Variants in MAST4 observed in about 807,000 individuals in gnomAD.
MAST4 encodes the protein microtubule-associated serine/threonine-protein kinase 4.
A neutral mutation model predicts 162.7 loss-of-function variants in MAST4; 89 were observed. The observed-to-expected ratio is 0.55, with a 90% confidence interval of 0.46 to 0.65. The LOEUF is 0.65. MAST4 is among the 30% of genes least tolerant of loss of function. The pLI, the probability that MAST4 is intolerant of heterozygous loss-of-function variation, is 0.00. For missense variants in MAST4, 3,153 were observed against 3,374.0 expected, an observed-to-expected ratio of 0.93 and a Z score of 1.62; for synonymous variants, 1,479 against 1,361.1, an observed-to-expected ratio of 1.09 and a Z score of -1.91.
chr5:67,139,396 C>T (rs1770092298), intron 19 of MAST4, among the ~76,000 whole-genome samples: 1 of 152,186 alleles, frequency 6.6e-6, no homozygotes, highest in South Asian at 2.1e-4. Context: ...AGTGTCAAAG[C>T]ATAACTTGCA....
chr5:67,001,722 G>A (rs1436980652), intron 4 of MAST4: 1 of 152,150 alleles, frequency 6.6e-6, no homozygotes, highest in Non-Finnish European at 1.5e-5. Flanking sequence ...TATGAGAGTT[G>A]GGAGGTATTG....
At chr5:66,642,104 G>T (rs1040714422) in intron 1 of MAST4, among the ~76,000 whole-genome samples, 3 of 152,100 alleles carry the variant, frequency 2.0e-5, no homozygotes, top group African/African-American at 7.2e-5. Context: ...TAGACATTAT[G>T]TATTTCCTGA....
intron 1 of MAST4, among the ~76,000 whole-genome samples, chr5:66,632,986 T>G (rs936789905): frequency 1.3e-5 from 2 of 152,154 alleles, no homozygotes; most frequent in Non-Finnish European, 2.9e-5. Flanking sequence ...TAACCAGTAA[T>G]TTATGTTAAT....
chr5:66,616,295 C>G (rs534132946), intron 1 of MAST4, among the ~76,000 whole-genome samples: 13 of 152,036 alleles, frequency 8.6e-5, no homozygotes, highest in African/African-American at 3.1e-4. Flanking sequence ...CCAAGCAGCC[C>G]CTACCAAGGT....
In MAST4 at chr5:66,895,820, C is replaced by T. The variant is rs537681964; in HGVS notation, c.643-4131C>T. Among the ~76,000 whole-genome samples the T allele has an allele frequency of 5.9e-5, 9 of 152,244 alleles. No individual in the cohort carries two copies. In the East Asian group the frequency reaches 7.7e-4, roughly 13 times the overall value. On this transcript the variant is annotated intron_variant, in intron 3 of 28. Transcript: ENST00000403625. Reference sequence around the variant, plus strand: ...ATCAGTCTTCCCTTCTCCCTGTCTCCCCCTTTTGATACACTTTCTTTCACA... The same window carrying T: ...ATCAGTCTTCCCTTCTCCCTGTCTCTCCCTTTTGATACACTTTCTTTCACA...
At chr5:66,643,993 G>A (rs1408172483) in intron 1 of MAST4, among the ~76,000 whole-genome samples, 1 of 149,948 alleles carries the variant, frequency 6.7e-6, no homozygotes, top group South Asian at 2.1e-4. Flanking sequence ...AGTTAATAAT[G>A]TGTCCTATAT....
intron 1 of MAST4, among the ~76,000 whole-genome samples, chr5:66,613,968 C>G (rs1743469196): frequency 6.6e-6 from 1 of 152,168 alleles, no homozygotes; most frequent in Non-Finnish European, 1.5e-5. Context: ...TGGCTGCTCC[C>G]AAAAGCCATG....
At chr5:66,629,439 T>A (rs13167795) in intron 1 of MAST4, among the ~76,000 whole-genome samples, 57,194 of 151,758 alleles carry the variant, frequency 0.38, 11,106 homozygotes, top group East Asian at 0.57. Context: ...TTCCATTCCC[T>A]GCTGTCCTGC....
At position 67,102,624 on chromosome 5, in the gene MAST4, A is replaced by G. The variant is rs201672100; in HGVS notation, c.1146+13A>G. ...AAGGTTCCCAAAGGTAATGAATTGA[A>G]TTGAAGATGCCTAGCATCTAAACGA... On this transcript the variant is annotated intron_variant, in intron 9 of 28. Transcript: ENST00000403625. The G allele has an allele frequency of 6.2e-7, 1 of 1,600,424 alleles. No individual in the cohort carries two copies.
chr5:66,669,765 A>G (rs1201510354), intron 1 of MAST4, among the ~76,000 whole-genome samples: 1 of 152,048 alleles, frequency 6.6e-6, no homozygotes, highest in Non-Finnish European at 1.5e-5. Flanking sequence ...GGAATGAGAG[A>G]GTGAGAAGTA....
intron 3 of MAST4, among the ~76,000 whole-genome samples, chr5:66,867,643 G>A (rs1199594017): frequency 6.6e-6 from 1 of 152,132 alleles, no homozygotes; most frequent in African/African-American, 2.4e-5. Context: ...TTTTATTAAT[G>A]ATAGTTATCC....
At chr5:67,000,832 T>A (rs1448299531) in intron 4 of MAST4, among the ~76,000 whole-genome samples, 1 of 152,122 alleles carries the variant, frequency 6.6e-6, no homozygotes, top group South Asian at 2.1e-4. Context: ...GCATTTTTTG[T>A]ATGTAGAAGG....
At chr5:66,751,574 C>T (rs1489220316) in intron 1 of MAST4, among the ~76,000 whole-genome samples, 7 of 151,406 alleles carry the variant, frequency 4.6e-5, no homozygotes, top group South Asian at 2.1e-4. Context: ...TGAAATGAAG[C>T]GAGAAGGGAA....
intron 1 of MAST4, among the ~76,000 whole-genome samples, chr5:66,610,599 C>T (rs960604487): frequency 2.0e-5 from 3 of 152,194 alleles, no homozygotes; most frequent in Admixed American, 1.3e-4. Flanking sequence ...TTTGTTAGAA[C>T]ACGAGTTCCA....
At chr5:66,833,104 C>G (rs550738486) in intron 3 of MAST4, among the ~76,000 whole-genome samples, 9 of 152,296 alleles carry the variant, frequency 5.9e-5, no homozygotes, top group African/African-American at 2.2e-4. Flanking sequence ...ATTTTATACT[C>G]TAAGAGTGGA....
chr5:67,015,644 C>T (rs1257781336), intron 4 of MAST4, among the ~76,000 whole-genome samples: 2 of 152,168 alleles, frequency 1.3e-5, no homozygotes, highest in Non-Finnish European at 2.9e-5. Context: ...TATATATCTC[C>T]ACTTTCAGTT....
At chr5:66,883,038 T>C (rs2046526334) in intron 3 of MAST4, among the ~76,000 whole-genome samples, 1 of 152,180 alleles carries the variant, frequency 6.6e-6, no homozygotes, top group Admixed American at 6.5e-5. Flanking sequence ...ATAAAAATCA[T>C]AGTTTAAAAA....
At chr5:66,735,432 T>C (rs1223848741) in intron 1 of MAST4, among the ~76,000 whole-genome samples, 1 of 152,230 alleles carries the variant, frequency 6.6e-6, no homozygotes, top group African/African-American at 2.4e-5. Context: ...ATATGTATTT[T>C]GTCCTCTGTG....
chr5:67,004,827 C>G (rs537450167), intron 4 of MAST4: 1 of 596,086 alleles, frequency 1.7e-6, no homozygotes, highest in Non-Finnish European at 3.0e-6. Flanking sequence ...CAGACATGCT[C>G]CAAGTTGTTC....
Sources: gnomAD v4.1 joint callset for allele counts (sites outside exome capture counted in the v4.1 genomes callset) on GRCh38, gnomAD v4.1.1 for gene constraint, MANE v1.5 for transcripts, NCBI Gene and HGNC (gene_info 2026-07-23, HGNC 2026-07-21) for gene names.